CELF4: variants seen among roughly 807,000 people sequenced by gnomAD.
CELF4 encodes CUG-BP- and ETR-3-like factor 4.
Under a neutral mutation model 59.9 loss-of-function variants are expected in CELF4, and 18 were observed. The ratio of observed to expected loss-of-function variants is 0.30; its 90% CI spans 0.21 to 0.45. The LOEUF (loss-of-function observed/expected upper bound fraction) is 0.45. Among genes scored for constraint, CELF4 ranks in the 20% least tolerant of loss-of-function variants. The pLI, the probability that CELF4 is intolerant of heterozygous loss-of-function variation, is 1.00. For missense variants in CELF4, 456 were observed against 689.0 expected (o/e 0.66, Z 3.79); for synonymous variants, 261 against 267.1 (o/e 0.98, Z 0.22).
At position 37,321,853 on chromosome 18, in the gene CELF4, G is replaced by A; in HGVS notation, c.398C>T (p.Ala133Val). Residue 133 changes from alanine to valine, a missense_variant, in exon 3 of 13, where the codon GCG becomes GTG. Transcript: ENST00000420428. The part of the protein sequence containing the change: ...GMNRPIQVKP[A>V]DSESRGGSSC... ...ACTACCTCCTCGGCTCTCGCTGTCC[G>A]CAGGCTTCACCTGGATCGGCCGGTT... 1 of 1,613,216 alleles carries A rather than the reference G, an allele frequency of 6.2e-7. No homozygotes were observed. The highest frequency in any genetic ancestry group is 8.5e-7 in the Non-Finnish European group (1 of 1,179,510).
intron 1 of CELF4, among the ~76,000 whole-genome samples, chr18:37,559,721 C>T (rs1242210284): frequency 1.3e-5 from 2 of 152,160 alleles, no homozygotes; most frequent in African/African-American, 4.8e-5. Flanking sequence ...AAGGTGGTGT[C>T]TTGGATATAT....
intron 3 of CELF4, among the ~76,000 whole-genome samples, chr18:37,296,890 C>A (rs999013771): frequency 3.3e-5 from 5 of 152,288 alleles, no homozygotes; most frequent in African/African-American, 4.8e-5. Context: ...CCCTTCACCC[C>A]CAAGGGCCAA....
At chr18:37,321,904 A>C (rs1318206572) in intron 2 of CELF4, 23 bp from the exon 3 acceptor site, 5 of 1,598,806 alleles carry the variant, frequency 3.1e-6, no homozygotes, top group Non-Finnish European at 1.7e-6. Flanking sequence ...AGAGGGGGAC[A>C]GCATTATAGC....
intron 2 of CELF4, among the ~76,000 whole-genome samples, chr18:37,434,336 G>T (rs2099681927): frequency 6.6e-6 from 1 of 152,176 alleles, no homozygotes; most frequent in Admixed American, 6.5e-5. Context: ...CTGGTTTCTG[G>T]CATTTTTGGT....
intron 2 of CELF4, among the ~76,000 whole-genome samples, chr18:37,391,094 C>T (rs1220763710): frequency 2.6e-5 from 4 of 152,178 alleles, no homozygotes; most frequent in East Asian, 1.9e-4. Context: ...AGACAGGAGA[C>T]GTAGGGAGGA....
chr18:37,455,057 GA>G (rs538115820), intron 2 of CELF4, among the ~76,000 whole-genome samples: 1 of 151,906 alleles, frequency 6.6e-6, no homozygotes, highest in Admixed American at 6.6e-5. Context: ...CACTTTAGGG[GA>G]AAAAAAATCC....
intron 2 of CELF4, among the ~76,000 whole-genome samples, chr18:37,355,315 G>A (rs757295646): frequency 2.0e-5 from 3 of 152,320 alleles, no homozygotes; most frequent in Non-Finnish European, 4.4e-5. Flanking sequence ...ATGTGGTATT[G>A]AGTGTATATC....
rs2099963190 is a variant in CELF4, at chr18:37,525,780, G to A, written c.286+39576C>T. On this transcript the variant is annotated intron_variant, in intron 1 of 12. Coordinates refer to ENST00000420428, the MANE Select transcript of CELF4 (RefSeq NM_020180.4). ...ATGGTACTTTCTCCCTTTAAAGAAGGATCCTGCATTTTACAAAATCGAAAA... is the reference window on the plus strand; with the variant it reads ...ATGGTACTTTCTCCCTTTAAAGAAGAATCCTGCATTTTACAAAATCGAAAA... 1.3e-5 allele frequency among the ~76,000 whole-genome samples: 2 copies of A among 152,032 alleles called. 1 individual carries two copies. Among genetic ancestry groups the A allele is most frequent in the East Asian group, 3.9e-4 (2 of 5,184 alleles).
At chr18:37,300,007 CCTT>C (rs1280219967) in intron 3 of CELF4, among the ~76,000 whole-genome samples, 3 of 152,194 alleles carry the variant, frequency 2.0e-5, no homozygotes, top group Non-Finnish European at 4.4e-5. Flanking sequence ...TTCCAGGAAT[CCTT>C]CTCCAGCTTC....
chr18:37,482,506 G>A (rs1400301451), intron 2 of CELF4, among the ~76,000 whole-genome samples: 1 of 152,130 alleles, frequency 6.6e-6, no homozygotes, highest in Non-Finnish European at 1.5e-5. Flanking sequence ...TGTGCCACTG[G>A]TCCAGGGATG....
At chr18:37,286,941 C>T (rs1001224858) in intron 3 of CELF4, among the ~76,000 whole-genome samples, 1 of 152,118 alleles carries the variant, frequency 6.6e-6, no homozygotes, top group Non-Finnish European at 1.5e-5. Flanking sequence ...CCCAGAAGAA[C>T]GTTGTCTTAT....
In CELF4 at chr18:37,246,896, A is replaced by G. The variant is rs1293228881; in HGVS notation, c.*45-1699T>C. 6.6e-6 allele frequency: 1 copy of G among 152,194 alleles called. No individual in the cohort carries two copies. Among genetic ancestry groups the G allele is most frequent in the Non-Finnish European group, 1.5e-5 (1 of 68,036 alleles). The allele number at this position is 152,194 out of a possible 1,614,324, so 9.4% of individuals were successfully genotyped here. ...TTCTCTATGTGACATCTAGAGAAGC[A>G]TAAAAAAACGCTGAACAAGAAAAAC... On this transcript the variant is annotated intron_variant, in intron 12 of 12. Coordinates refer to ENST00000420428, the MANE Select transcript of CELF4 (RefSeq NM_020180.4). This position sits in a 1 kb window ranked among gnomAD's most constrained non-coding sequence, Gnocchi z 5.3.
chr18:37,460,275 C>T (rs1314681976), intron 2 of CELF4, among the ~76,000 whole-genome samples: 1 of 152,212 alleles, frequency 6.6e-6, no homozygotes, highest in African/African-American at 2.4e-5. Context: ...ATTCAAATAA[C>T]TCCCTGGACA....
intron 2 of CELF4, among the ~76,000 whole-genome samples, chr18:37,362,795 C>A (rs1430138529): frequency 6.6e-6 from 1 of 152,166 alleles, no homozygotes; most frequent in Non-Finnish European, 1.5e-5. Context: ...TGATCTGCTG[C>A]CTTCCAGGGC....
At chr18:37,539,242 C>T (rs574726632) in intron 1 of CELF4, among the ~76,000 whole-genome samples, 1 of 152,288 alleles carries the variant, frequency 6.6e-6, no homozygotes, top group East Asian at 1.9e-4. Flanking sequence ...TCTAATAACC[C>T]TCAACAATGG....
chr18:37,262,158 C>T (rs1211630408), intron 10 of CELF4, among the ~76,000 whole-genome samples: 1 of 152,224 alleles, frequency 6.6e-6, no homozygotes, highest in Non-Finnish European at 1.5e-5. Flanking sequence ...CTTCCAGACC[C>T]ACAGAAGCCT....
At chr18:37,325,734 C>T (rs1012137032) in intron 2 of CELF4, among the ~76,000 whole-genome samples, 9 of 152,240 alleles carry the variant, frequency 5.9e-5, no homozygotes, top group Non-Finnish European at 1.0e-4. Context: ...CAGCCATGGG[C>T]TAGGCACCTA....
At chr18:37,478,685 G>A (rs1451315007) in intron 2 of CELF4, among the ~76,000 whole-genome samples, 7 of 152,210 alleles carry the variant, frequency 4.6e-5, no homozygotes, top group African/African-American at 1.7e-4. Flanking sequence ...AGTGGGACAG[G>A]GGGCTGGGCT....
chr18:37,358,232 C>T (rs1206583322), intron 2 of CELF4, among the ~76,000 whole-genome samples: 1 of 152,140 alleles, frequency 6.6e-6, no homozygotes, highest in Non-Finnish European at 1.5e-5. Flanking sequence ...ATCATGCGGG[C>T]AAGTCATTCC....
Sources: allele counts gnomAD v4.1 joint callset (sites outside exome capture counted in the v4.1 genomes callset), GRCh38; gene constraint gnomAD v4.1.1; non-coding constraint Gnocchi (gnomAD v3.1); transcripts MANE v1.5; gene names NCBI Gene and HGNC (gene_info 2026-07-23, HGNC 2026-07-21).